IWS1: variants seen among roughly 807,000 people sequenced by gnomAD.
IWS1 encodes protein IWS1 homolog.
In IWS1, 27 loss-of-function variants were observed where a neutral mutation model predicts 86.7. The ratio of observed to expected loss-of-function variants is 0.31; its 90% CI spans 0.23 to 0.43. The LOEUF (loss-of-function observed/expected upper bound fraction) is 0.43. Ranked by LOEUF, IWS1 falls within the 20% of genes least tolerant of loss-of-function variation. IWS1 has a pLI of 1.00. For missense variants in IWS1, 827 were observed against 1,000.8 expected, an observed-to-expected ratio of 0.83 and a Z score of 2.34; for synonymous variants, 313 against 335.1, an observed-to-expected ratio of 0.93 and a Z score of 0.72.
intron 10 of IWS1, 64 bp downstream of exon 10, chr2:127,491,907 A>G: frequency 2.1e-6 from 2 of 940,512 alleles, no homozygotes; most frequent in Non-Finnish European, 3.5e-6. Context: ...CAGCTTTTAT[A>G]TATACGCATC....
chr2:127,490,087 A>G, intron 10 of IWS1, 144 bp from the exon 11 acceptor site: 1 of 627,126 alleles, frequency 1.6e-6, no homozygotes, highest in South Asian at 1.9e-5. Flanking sequence ...AGTAATTTAT[A>G]GGATAAACAA....
At chr2:127,524,958 C>T (rs546153867) in intron 1 of IWS1, among the ~76,000 whole-genome samples, 94 of 151,862 alleles carry the variant, frequency 6.2e-4, no homozygotes, top group Admixed American at 1.6e-3. Flanking sequence ...GTGCAACTTC[C>T]GCTCACTGCA....
chr2:127,493,651 A>G (rs1052513819), intron 8 of IWS1, among the ~76,000 whole-genome samples: 5 of 152,162 alleles, frequency 3.3e-5, no homozygotes, highest in African/African-American at 1.2e-4. Context: ...CAAGTTACAC[A>G]AGATAAATTA....
At chr2:127,481,297 G>A (rs1249424300) in intron 13 of IWS1, 122 bp from the exon 14 acceptor site, 2 of 818,322 alleles carry the variant, frequency 2.4e-6, no homozygotes, top group Admixed American at 3.3e-5. Context: ...TAACCAGAAT[G>A]TGTGTTGATG....
At position 127,489,764 on chromosome 2, in the gene IWS1, TCTTA is replaced by T; in HGVS notation, c.2159+64_2159+67del. 1 of 862,170 alleles carries T rather than the reference TCTTA, an allele frequency of 1.2e-6. No homozygotes were observed. The highest frequency in any genetic ancestry group is 2.0e-6 in the Non-Finnish European group (1 of 500,368). 53.4% of individuals were successfully genotyped at this position (862,170 alleles called of 1,614,324 possible). A position where few individuals can be genotyped will look rare whatever the true frequency, so the allele number is the denominator to read the frequency against. Reference sequence around the variant, plus strand: ...TATCATCTTGCAGGCTTCCTAATGATCTTACTTAAAACTGAGTTACTGCAACAAT... The same window carrying T: ...TATCATCTTGCAGGCTTCCTAATGATCTTAAAACTGAGTTACTGCAACAAT... On this transcript the variant is annotated intron_variant, in intron 11 of 13. Coordinates refer to ENST00000295321, the MANE Select transcript of IWS1 (RefSeq NM_017969.3). The surrounding 1 kb of genome is among the most constrained non-coding windows in gnomAD (Gnocchi z 4.8).
rs568197303 is a variant in IWS1 at position 127,505,886 on chromosome 2, T to C, written c.151-134A>G. 35 of 602,490 alleles carry C rather than the reference T, an allele frequency of 5.8e-5. No individual in the cohort carries two copies. In the South Asian group the frequency reaches 6.8e-4, roughly 12 times the overall value. 37.3% of individuals were successfully genotyped at this position (602,490 alleles called of 1,614,324 possible). A position where few individuals can be genotyped will look rare whatever the true frequency, so the allele number is the denominator to read the frequency against. On this transcript the variant is annotated intron_variant, in intron 2 of 13. Coordinates refer to ENST00000295321, the MANE Select transcript of IWS1 (RefSeq NM_017969.3). The surrounding 1 kb of genome is among the most constrained non-coding windows in gnomAD (Gnocchi z 5.0). ...ACCTAAATGGAGAATTCTTGTCCTA[T>C]ACCCATATAGAAACACCCCCACAGA...
intron 12 of IWS1, among the ~76,000 whole-genome samples, chr2:127,487,534 T>A (rs1689990039): frequency 6.6e-6 from 1 of 152,208 alleles, no homozygotes; most frequent in Admixed American, 6.5e-5. Context: ...CAATTGTTTC[T>A]ATTCTCTTGT....
At chr2:127,483,600 T>TGGGGGGGGGGGGGGGGGGGGG (rs1558736829) in intron 13 of IWS1, among the ~76,000 whole-genome samples, 1 of 5,880 alleles carries the variant, frequency 1.7e-4, no homozygotes, top group Admixed American at 2.8e-3. Flanking sequence ...GTGGGGGGGT[T>TGGGGGGGGGGGGGGGGGGGGG]GGGCTGTGTG....
At chr2:127,491,167 C>T (rs1690207966) in intron 10 of IWS1, among the ~76,000 whole-genome samples, 1 of 152,212 alleles carries the variant, frequency 6.6e-6, no homozygotes, top group Non-Finnish European at 1.5e-5. Context: ...GACCATTGTG[C>T]AAGTAACAAC....
chr2:127,488,734 G>A (rs1320550209), intron 12 of IWS1, among the ~76,000 whole-genome samples: 3 of 152,074 alleles, frequency 2.0e-5, no homozygotes, highest in Non-Finnish European at 4.4e-5. Context: ...GCCCTTCACC[G>A]GTCTATTATT....
intron 12 of IWS1, 131 bp from the exon 13 acceptor site, chr2:127,486,795 A>G: frequency 4.3e-6 from 3 of 689,754 alleles, no homozygotes; most frequent in South Asian, 1.7e-5. Context: ...ACTCCCCACC[A>G]AAGGTCACCC....
rs1002351294 is a variant in IWS1, at chr2:127,499,989, G to A, written c.1468-1752C>T. Among the ~76,000 whole-genome samples the A allele has an allele frequency of 6.6e-6, 1 of 152,144 alleles. No homozygotes were observed. The highest frequency in any genetic ancestry group is 6.5e-5 in the Admixed American group (1 of 15,280). On this transcript the variant is annotated intron_variant, in intron 5 of 13. Transcript: ENST00000295321. This position sits in a 1 kb window ranked among gnomAD's most constrained non-coding sequence, Gnocchi z 4.0. ...TTCTAGGTGAATTATACAATTAAATGTGAAAGACTGAATAATCAAGCTTCT... is the reference window on the plus strand; with the variant it reads ...TTCTAGGTGAATTATACAATTAAATATGAAAGACTGAATAATCAAGCTTCT...
upstream of IWS1, among the ~76,000 whole-genome samples, chr2:127,527,070 G>T (rs1379712722): frequency 6.6e-6 from 1 of 152,216 alleles, no homozygotes; most frequent in Non-Finnish European, 1.5e-5. Flanking sequence ...CCGGAGGAAG[G>T]TGAAGTTGAA....
chr2:127,504,812 T>A lies in IWS1; in HGVS notation c.1091A>T (p.Asp364Val), dbSNP rs149871639. 1.2e-6 allele frequency: 2 copies of A among 1,614,094 alleles called. No homozygotes were observed. The highest frequency in any genetic ancestry group is 1.3e-5 in the African/African-American group (1 of 74,930). ...HMDRKKFHSSDSEEEEHKKQK... is the reference protein window; with the variant it reads ...HMDRKKFHSSVSEEEEHKKQK... ...CTTTTTGTGTTCTTCCTCCTCACTA[T>A]CAGAACTGTGAAACTTTTTTCTGTC... is the stretch of plus-strand genomic sequence containing the variant. Residue 364 changes from aspartate to valine, a missense_variant, in exon 3 of 14, where the codon GAT becomes GTT. Transcript: ENST00000295321.
intron 5 of IWS1, among the ~76,000 whole-genome samples, chr2:127,502,057 T>C (rs979024084): frequency 1.4e-4 from 22 of 152,176 alleles, no homozygotes; most frequent in African/African-American, 5.3e-4. Flanking sequence ...CTGTTACCTT[T>C]TAATGTTATT....
chr2:127,503,700 AT>A (rs1690939254), intron 3 of IWS1, 124 bp from the exon 4 acceptor site: 16 of 361,140 alleles, frequency 4.4e-5, no homozygotes, highest in Non-Finnish European at 6.6e-5. Context: ...AAATAAATAA[AT>A]AAATAAAATA....
In IWS1 at chr2:127,502,813, A is replaced by G; in HGVS notation, c.1467+2T>C. On this transcript the variant is annotated splice_donor_variant, in intron 5 of 13. Transcript: ENST00000295321. LOFTEE classifies it high-confidence loss of function. The stretch of plus-strand genomic sequence containing the variant: ...GAGGAAATATTTCCATCTTATACTT[A>G]CTGTAAATTCTTCTTCCTCTTCATC... 1 of 1,502,624 alleles carries G rather than the reference A, an allele frequency of 6.7e-7. No individual in the cohort carries two copies. The allele number at this position is 1,502,624 out of a possible 1,614,324, so 93.1% of individuals were successfully genotyped here. A position where few individuals can be genotyped will look rare whatever the true frequency, so the allele number is the denominator to read the frequency against.
upstream of IWS1, chr2:127,527,024 C>T (rs186262932): frequency 2.6e-4 from 56 of 212,504 alleles, no homozygotes; most frequent in African/African-American, 1.3e-3. Context: ...AAGAAGTACA[C>T]GTCTTTGCTT....
intron 2 of IWS1, among the ~76,000 whole-genome samples, chr2:127,510,304 T>C (rs1691379538): frequency 1.3e-5 from 2 of 152,182 alleles, no homozygotes; most frequent in South Asian, 4.1e-4. Context: ...ATGTAGTTCC[T>C]GGAGTGTTGC....
Sources: gnomAD v4.1 joint callset for allele counts (sites outside exome capture counted in the v4.1 genomes callset) on GRCh38, gnomAD v4.1.1 for gene constraint, Gnocchi (gnomAD v3.1) non-coding constraint, MANE v1.5 for transcripts, NCBI Gene and HGNC (gene_info 2026-07-23, HGNC 2026-07-21) for gene names.